COL11A2: variants seen among roughly 807,000 people sequenced by gnomAD.
COL11A2 encodes the protein collagen type XI alpha 2 chain.
In COL11A2, 116 loss-of-function variants were observed where a neutral mutation model predicts 273.4. The observed-to-expected ratio is 0.42, with a 90% CI of 0.36 to 0.49. The LOEUF is 0.49. Among genes scored for constraint, COL11A2 ranks in the 20% least tolerant of loss-of-function variants. The pLI, the probability that COL11A2 is intolerant of heterozygous loss-of-function variation, is 0.00. For missense variants in COL11A2, 1,866 were observed against 2,309.0 expected, an observed-to-expected ratio of 0.81 and a Z score of 3.93; for synonymous variants, 782 against 864.2, an observed-to-expected ratio of 0.90 and a Z score of 1.67.
At chr6:33,180,583 G>T in intron 11 of COL11A2, 85 bp downstream of exon 11, 1 of 1,315,128 alleles carries the variant, frequency 7.6e-7, no homozygotes, top group Non-Finnish European at 1.1e-6. Flanking sequence ...CCACCTAACA[G>T]GAAATTACTG....
rs55726242 is a variant in COL11A2, at chr6:33,189,235, G to C, written c.233-47C>G. On this transcript the variant is annotated intron_variant, in intron 2 of 65. Coordinates refer to ENST00000341947, the MANE Select transcript of COL11A2 (RefSeq NM_080680.3). The surrounding 1 kb of genome is among the most constrained non-coding windows in gnomAD (Gnocchi z 5.6). ...CACAGAGTGAGAGGCAAAGGGAGCCGCCACAACCCCTTTCCTCCTGGTGTC... is the reference window on the plus strand; with the variant it reads ...CACAGAGTGAGAGGCAAAGGGAGCCCCCACAACCCCTTTCCTCCTGGTGTC... The C allele has an allele frequency of 6.2e-7, 1 of 1,611,758 alleles. No homozygotes were observed. The highest frequency in any genetic ancestry group is 8.5e-7 in the Non-Finnish European group (1 of 1,178,396).
rs1320200959 is a variant in COL11A2 at position 33,179,535 on chromosome 6, C to T, written c.1447-48G>A. On this transcript the variant is annotated intron_variant, in intron 13 of 65. Coordinates refer to ENST00000341947, the MANE Select transcript of COL11A2 (RefSeq NM_080680.3). This position sits in a 1 kb window ranked among gnomAD's most constrained non-coding sequence, Gnocchi z 6.4. ...GAGCTGAGGGACAGGCAGTGGGAAC[C>T]CCCAGCCCCAGCACTCTCCAAATTC... 1 of 1,505,812 alleles carries T rather than the reference C, an allele frequency of 6.6e-7. No homozygotes were observed. Among genetic ancestry groups the T allele is most frequent in the South Asian group, 1.2e-5 (1 of 83,306 alleles). 93.3% of individuals were successfully genotyped at this position (1,505,812 alleles called of 1,614,324 possible). A position where few individuals can be genotyped will look rare whatever the true frequency, so the allele number is the denominator to read the frequency against.
chr6:33,177,392 G>C lies in COL11A2; in HGVS notation c.1971+20C>G. The C allele has an allele frequency of 6.2e-7, 1 of 1,612,596 alleles. No homozygotes were observed. On this transcript the variant is annotated intron_variant, in intron 23 of 65. Coordinates refer to ENST00000341947, the MANE Select transcript of COL11A2 (RefSeq NM_080680.3). The surrounding 1 kb of genome is among the most constrained non-coding windows in gnomAD (Gnocchi z 5.9). ...AGGGAAGTCATGAAAATTGGGGAAC[G>C]GAGTAGGGGCACCGCTCACCTGGGT...
rs929514625 is a variant in COL11A2, at chr6:33,166,928, G to A, written c.4231-101C>T. On this transcript the variant is annotated intron_variant, in intron 58 of 65. Coordinates refer to ENST00000341947, the MANE Select transcript of COL11A2 (RefSeq NM_080680.3). The surrounding 1 kb of genome is among the most constrained non-coding windows in gnomAD (Gnocchi z 4.8). Reference sequence around the variant, plus strand: ...GGAGAGGGAGCCGGGCACAGGGTCCGTGAGTGGCCCTCACTGAGCAGGGAC... The same window carrying A: ...GGAGAGGGAGCCGGGCACAGGGTCCATGAGTGGCCCTCACTGAGCAGGGAC... 19 of 1,502,354 alleles carry A rather than the reference G, an allele frequency of 1.3e-5. No homozygotes were observed. Among genetic ancestry groups the A allele is most frequent in the Admixed American group, 5.6e-5 (3 of 53,716 alleles). 93.1% of individuals were successfully genotyped at this position (1,502,354 alleles called of 1,614,324 possible). A position where few individuals can be genotyped will look rare whatever the true frequency, so the allele number is the denominator to read the frequency against.
chr6:33,180,357 G>C, intron 11 of COL11A2, 25 bp from the exon 12 acceptor site: 2 of 1,594,980 alleles, frequency 1.3e-6, no homozygotes, highest in Non-Finnish European at 1.7e-6. Context: ...GAATGCAAAA[G>C]ATGGGGTGAA....
At chr6:33,184,809 G>C (rs897375026) in intron 7 of COL11A2, among the ~76,000 whole-genome samples, 183 bp downstream of exon 7, 1 of 152,202 alleles carries the variant, frequency 6.6e-6, no homozygotes, top group Non-Finnish European at 1.5e-5. Context: ...GAACGGGCTG[G>C]ACTTAGAGAG....
rs3762013 is a variant in COL11A2 at position 33,174,762 on chromosome 6, G to A, written c.2377-182C>T. 0.59 allele frequency among the ~76,000 whole-genome samples: 88,515 copies of A among 151,128 alleles called. 26,236 individuals are homozygous for A. Among genetic ancestry groups the A allele is most frequent in the East Asian group, 0.79 (4,056 of 5,124 alleles). On this transcript the variant is annotated intron_variant, in intron 30 of 65. Coordinates refer to ENST00000341947, the MANE Select transcript of COL11A2 (RefSeq NM_080680.3). ...CTGACTTTTGTTGTCTCTCCTTCCC[G>A]TGAGTGGATTTTCCCCAATTCTAGT...
Position 33,163,476 on chromosome 6 carries a change from A to C in COL11A2, c.*202T>G, listed in dbSNP as rs1001801565. The C allele has an allele frequency of 4.9e-5, 33 of 677,920 alleles. No homozygotes were observed. The highest frequency in any genetic ancestry group is 1.7e-4 in the South Asian group (9 of 52,520). 42.0% of individuals were successfully genotyped at this position (677,920 alleles called of 1,614,324 possible). On this transcript the variant is annotated 3_prime_UTR_variant, in exon 66 of 66. Coordinates refer to ENST00000341947, the MANE Select transcript of COL11A2 (RefSeq NM_080680.3). The surrounding 1 kb of genome is among the most constrained non-coding windows in gnomAD (Gnocchi z 4.1). ...ACAGGCTCCAGGTGGGAGGGCCAAGAGCCCCAGATGCCACTCCTCCCGTGG... is the reference window on the plus strand; with the variant it reads ...ACAGGCTCCAGGTGGGAGGGCCAAGCGCCCCAGATGCCACTCCTCCCGTGG...
Position 33,178,620 on chromosome 6 carries a change from T to C in COL11A2, c.1719+59A>G. The C allele has an allele frequency of 6.2e-7, 1 of 1,608,214 alleles. No homozygotes were observed. Among genetic ancestry groups the C allele is most frequent in the Non-Finnish European group, 8.5e-7 (1 of 1,176,120 alleles). On this transcript the variant is annotated intron_variant, in intron 18 of 65. Transcript: ENST00000341947. This position sits in a 1 kb window ranked among gnomAD's most constrained non-coding sequence, Gnocchi z 4.6. ...GCCTCCAGCCTCCCTTCCCTACCTA[T>C]CCTCACTCCCATAGAAGATCTATCC...
chr6:33,169,604 C>T lies in COL11A2; in HGVS notation c.3691-114G>A, dbSNP rs1769742142. The T allele has an allele frequency of 8.7e-7, 1 of 1,155,084 alleles. No homozygotes were observed. The highest frequency in any genetic ancestry group is 1.3e-5 in the South Asian group (1 of 78,656). 71.6% of individuals were successfully genotyped at this position (1,155,084 alleles called of 1,614,324 possible). Reference sequence around the variant, plus strand: ...CCTACTCCCCTCAGTGACAATGGGACATACACAGAAAGTCAAGCCTACAAG... The same window carrying T: ...CCTACTCCCCTCAGTGACAATGGGATATACACAGAAAGTCAAGCCTACAAG... On this transcript the variant is annotated intron_variant, in intron 50 of 65. Coordinates refer to ENST00000341947, the MANE Select transcript of COL11A2 (RefSeq NM_080680.3). The surrounding 1 kb of genome is among the most constrained non-coding windows in gnomAD (Gnocchi z 5.5).
In COL11A2 at chr6:33,177,071, G is replaced by T. The variant is rs1473132525; in HGVS notation, c.2017-26C>A. 1.2e-5 allele frequency: 19 copies of T among 1,612,496 alleles called. No homozygotes were observed. The highest frequency in any genetic ancestry group is 1.5e-5 in the Non-Finnish European group (18 of 1,179,836). ...CTGCAGGAAGACAAAGAGGCTCAGGGTCACTAGAGGGGTCATGTCTGGACA... is the reference window on the plus strand; with the variant it reads ...CTGCAGGAAGACAAAGAGGCTCAGGTTCACTAGAGGGGTCATGTCTGGACA... On this transcript the variant is annotated intron_variant, in intron 24 of 65. Transcript: ENST00000341947. This position sits in a 1 kb window ranked among gnomAD's most constrained non-coding sequence, Gnocchi z 5.9.
Position 33,176,734 on chromosome 6 carries a change from G to A in COL11A2, c.2102C>T (p.Thr701Ile). Residue 701 changes from threonine to isoleucine, a missense_variant, in exon 26 of 66, where the codon ACC (threonine) becomes ATC (isoleucine). Transcript: ENST00000341947. This position sits in a 1 kb window ranked among gnomAD's most constrained non-coding sequence, Gnocchi z 4.9. Reference protein sequence around the residue: ...GHPGKEGPPGTKGNQGPSGPQ... With the variant: ...GHPGKEGPPGIKGNQGPSGPQ... Reference sequence around the variant, plus strand: ...GGAAGATCTCACCTGGTTTCCTTTGGTTCCAGGGGGACCTTCCTTCCCTGG... The same window carrying A: ...GGAAGATCTCACCTGGTTTCCTTTGATTCCAGGGGGACCTTCCTTCCCTGG... 6.2e-7 allele frequency: 1 copy of A among 1,613,248 alleles called. No homozygotes were observed. Among genetic ancestry groups the A allele is most frequent in the Non-Finnish European group, 8.5e-7 (1 of 1,179,688 alleles).
At position 33,178,127 on chromosome 6, in the gene COL11A2, C is replaced by T. The variant is rs727504891; in HGVS notation, c.1872+5G>A. On this transcript the variant is annotated splice_donor_5th_base_variant and intron_variant, in intron 21 of 65. Coordinates refer to ENST00000341947, the MANE Select transcript of COL11A2 (RefSeq NM_080680.3). The surrounding 1 kb of genome is among the most constrained non-coding windows in gnomAD (Gnocchi z 4.6). Reference sequence around the variant, plus strand: ...CTCAGGGTCAGAAGTCAGGGAGTCACTTACAGGGGGTCCAGGAATACCAGG... The same window carrying T: ...CTCAGGGTCAGAAGTCAGGGAGTCATTTACAGGGGGTCCAGGAATACCAGG... 6.2e-7 allele frequency: 1 copy of T among 1,608,066 alleles called. No individual in the cohort carries two copies. The highest frequency in any genetic ancestry group is 8.5e-7 in the Non-Finnish European group (1 of 1,176,924).
chr6:33,167,757 G>A lies in COL11A2; in HGVS notation c.4014+42C>T. On this transcript the variant is annotated intron_variant, in intron 55 of 65. Coordinates refer to ENST00000341947, the MANE Select transcript of COL11A2 (RefSeq NM_080680.3). The surrounding 1 kb of genome is among the most constrained non-coding windows in gnomAD (Gnocchi z 6.1). ...AGACGGAGGCATCTGAGGGGTGGGA[G>A]GCGGAGGGGATGCTCCAGCACTAGG... The A allele has an allele frequency of 6.2e-7, 1 of 1,610,466 alleles. No individual in the cohort carries two copies. The highest frequency in any genetic ancestry group is 8.5e-7 in the Non-Finnish European group (1 of 1,178,378).
In COL11A2 at chr6:33,175,956, T is replaced by A. The variant is rs147805743; in HGVS notation, c.2268+60A>T. The A allele has an allele frequency of 7.3e-4, 1,155 of 1,591,490 alleles. 2 individuals carry two copies. The highest frequency in any genetic ancestry group is 8.7e-4 in the Non-Finnish European group (1,011 of 1,160,636). The stretch of plus-strand genomic sequence containing the variant: ...CAGGAGAATAAACCGGTGCTTGGCG[T>A]CTCCAGAGTGGAGGCTCAGTAGAAC... On this transcript the variant is annotated intron_variant, in intron 29 of 65. Transcript: ENST00000341947.
In COL11A2 at chr6:33,177,962, G is replaced by A; in HGVS notation, c.1872+170C>T. On this transcript the variant is annotated intron_variant, in intron 21 of 65. Transcript: ENST00000341947. This position sits in a 1 kb window ranked among gnomAD's most constrained non-coding sequence, Gnocchi z 5.9. ...CACCACGCCACATGGCCCTCCCTGTGCACGGGGAGCGAATGCTGAGGCAGG... is the reference window on the plus strand; with the variant it reads ...CACCACGCCACATGGCCCTCCCTGTACACGGGGAGCGAATGCTGAGGCAGG... The A allele has an allele frequency of 2.4e-6, 2 of 817,196 alleles. No homozygotes were observed. The highest frequency in any genetic ancestry group is 2.6e-5 in the East Asian group (1 of 38,660). The allele number at this position is 817,196 out of a possible 1,614,324, so 50.6% of individuals were successfully genotyped here. A position where few individuals can be genotyped will look rare whatever the true frequency, so the allele number is the denominator to read the frequency against.
chr6:33,179,914 C>T lies in COL11A2; in HGVS notation c.1360-109G>A. On this transcript the variant is annotated intron_variant, in intron 12 of 65. Transcript: ENST00000341947. This position sits in a 1 kb window ranked among gnomAD's most constrained non-coding sequence, Gnocchi z 6.4. ...GCCCCTTGCCCCAGGTTCTGCCCAT[C>T]CAGCATTTCCCATGGCTTCCAGATA... The T allele has an allele frequency of 1.0e-6, 1 of 994,662 alleles. No individual in the cohort carries two copies. The highest frequency in any genetic ancestry group is 1.6e-6 in the Non-Finnish European group (1 of 638,450). 61.6% of individuals were successfully genotyped at this position (994,662 alleles called of 1,614,324 possible). A position where few individuals can be genotyped will look rare whatever the true frequency, so the allele number is the denominator to read the frequency against.
In COL11A2 at chr6:33,166,241, G is replaced by A. The variant is rs1159196967; in HGVS notation, c.4393-35C>T. On this transcript the variant is annotated intron_variant, in intron 60 of 65. Transcript: ENST00000341947. This position sits in a 1 kb window ranked among gnomAD's most constrained non-coding sequence, Gnocchi z 4.8. Reference sequence around the variant, plus strand: ...GAGGAACAAGAAAGAGACGGTCACTGCAGGGGAAGGACAGGACTCAGAGGA... The same window carrying A: ...GAGGAACAAGAAAGAGACGGTCACTACAGGGGAAGGACAGGACTCAGAGGA... The A allele has an allele frequency of 3.2e-6, 5 of 1,584,768 alleles. No individual in the cohort carries two copies. Among genetic ancestry groups the A allele is most frequent in the African/African-American group, 2.7e-5 (2 of 74,848 alleles).
In COL11A2 at chr6:33,167,942, C is replaced by T. The variant is rs1490015627; in HGVS notation, c.3961-90G>A. ...TTCCTGTCCTAGACACACACATACA[C>T]ATGCACACACACACGTGCATACACA... On this transcript the variant is annotated intron_variant, in intron 54 of 65. Coordinates refer to ENST00000341947, the MANE Select transcript of COL11A2 (RefSeq NM_080680.3). The surrounding 1 kb of genome is among the most constrained non-coding windows in gnomAD (Gnocchi z 6.1). 5.8e-6 allele frequency: 8 copies of T among 1,368,506 alleles called. No individual in the cohort carries two copies. The highest frequency in any genetic ancestry group is 8.3e-6 in the Non-Finnish European group (8 of 968,660). The allele number at this position is 1,368,506 out of a possible 1,614,324, so 84.8% of individuals were successfully genotyped here. A position where few individuals can be genotyped will look rare whatever the true frequency, so the allele number is the denominator to read the frequency against.
Sources: allele counts gnomAD v4.1 joint callset (sites outside exome capture counted in the v4.1 genomes callset), GRCh38; gene constraint gnomAD v4.1.1; non-coding constraint Gnocchi (gnomAD v3.1); transcripts MANE v1.5; gene names NCBI Gene and HGNC (gene_info 2026-07-23, HGNC 2026-07-21).